TOX: variants seen among roughly 807,000 people sequenced by gnomAD.
TOX encodes thymocyte selection associated high mobility group box, also known as thymocyte selection-associated high mobility group box protein TOX.
TOX carries 11 observed loss-of-function variants against 53.7 expected under a neutral mutation model. The observed-to-expected ratio is 0.20, with a 90% CI of 0.13 to 0.34. TOX has a LOEUF of 0.34. Ranked by LOEUF, TOX falls within the 10% of genes least tolerant of loss-of-function variation. The pLI is 1.00. For synonymous variants in TOX, 225 were observed against 245.3 expected, an observed-to-expected ratio of 0.92 and a Z score of 0.77; for missense variants, 570 against 664.6, an observed-to-expected ratio of 0.86 and a Z score of 1.56.
chr8:58,808,070 A>T (rs781645071), intron 8 of TOX, 48 bp downstream of exon 8: 1 of 1,572,538 alleles, frequency 6.4e-7, no homozygotes, highest in Non-Finnish European at 8.6e-7. Context: ...GACGATATGC[A>T]TGCTATGAGC....
chr8:58,846,161 T>A (rs1343422308), intron 4 of TOX, among the ~76,000 whole-genome samples: 1 of 152,152 alleles, frequency 6.6e-6, no homozygotes, highest in Non-Finnish European at 1.5e-5. Flanking sequence ...ACTAAATGGC[T>A]GACTAAATTT....
chr8:58,994,148 A>G (rs1813510169), intron 1 of TOX, among the ~76,000 whole-genome samples: 1 of 152,128 alleles, frequency 6.6e-6, no homozygotes, highest in South Asian at 2.1e-4. Flanking sequence ...ACTCATATGA[A>G]ATGATTGTTT....
At chr8:58,957,000 T>C (rs993714580) in intron 2 of TOX, among the ~76,000 whole-genome samples, 1 of 152,224 alleles carries the variant, frequency 6.6e-6, no homozygotes, top group African/African-American at 2.4e-5. Context: ...TTTGTATCCT[T>C]CTGGTCTAGA....
intron 1 of TOX, among the ~76,000 whole-genome samples, chr8:59,031,110 A>G (rs917556381): frequency 2.6e-5 from 4 of 152,212 alleles, no homozygotes; most frequent in Admixed American, 2.0e-4. Flanking sequence ...GTTGGGTATG[A>G]CAGGTGAGCA....
intron 4 of TOX, among the ~76,000 whole-genome samples, chr8:58,843,410 T>A (rs1332126611): frequency 6.6e-6 from 1 of 152,232 alleles, no homozygotes; most frequent in Non-Finnish European, 1.5e-5. Context: ...AACTATAATC[T>A]AAGACAATGC....
intron 1 of TOX, among the ~76,000 whole-genome samples, chr8:58,982,444 T>C (rs962223630): frequency 6.6e-6 from 1 of 152,230 alleles, no homozygotes; most frequent in African/African-American, 2.4e-5. Flanking sequence ...CAAAGACGCC[T>C]ATCAGAATCT....
chr8:58,880,851 C>G (rs889211707), intron 3 of TOX, among the ~76,000 whole-genome samples: 1 of 152,138 alleles, frequency 6.6e-6, no homozygotes, highest in African/African-American at 2.4e-5. Context: ...AGGGTTTTAA[C>G]TTTTTATCAA....
chr8:59,100,794 G>A (rs1032020170), intron 1 of TOX, among the ~76,000 whole-genome samples: 2 of 151,976 alleles, frequency 1.3e-5, no homozygotes, highest in African/African-American at 2.4e-5. Context: ...ATTGAGTAAT[G>A]TTAAACAAGT....
At chr8:59,085,236 G>A (rs1011352306) in intron 1 of TOX, among the ~76,000 whole-genome samples, 4 of 152,138 alleles carry the variant, frequency 2.6e-5, no homozygotes, top group African/African-American at 9.7e-5. Flanking sequence ...ACATTCCAAT[G>A]CCACAATTTT....
At chr8:58,920,873 G>GC (rs1347801857) in intron 3 of TOX, among the ~76,000 whole-genome samples, 1 of 151,508 alleles carries the variant, frequency 6.6e-6, no homozygotes, top group African/African-American at 2.4e-5. Flanking sequence ...ATACTTGTTA[G>GC]AACTAAGAAA....
At chr8:59,109,673 T>G (rs1222199037) in intron 1 of TOX, among the ~76,000 whole-genome samples, 1 of 152,152 alleles carries the variant, frequency 6.6e-6, no homozygotes, top group Non-Finnish European at 1.5e-5. Context: ...AATTATCTCT[T>G]ATTGAAATAT....
intron 1 of TOX, among the ~76,000 whole-genome samples, chr8:59,091,972 G>A (rs576338082): frequency 1.1e-4 from 17 of 151,946 alleles, no homozygotes; most frequent in Admixed American, 9.2e-4. Flanking sequence ...TCTTGTGGCC[G>A]GGCGTGGTGG....
chr8:59,068,547 A>G (rs1804137794), intron 1 of TOX, among the ~76,000 whole-genome samples: 1 of 152,256 alleles, frequency 6.6e-6, no homozygotes, highest in Non-Finnish European at 1.5e-5. Flanking sequence ...AAGTAAAAAG[A>G]AAACTAAACT....
chr8:59,115,165 A>G (rs569900983), intron 1 of TOX, among the ~76,000 whole-genome samples: 4 of 152,258 alleles, frequency 2.6e-5, no homozygotes, highest in African/African-American at 9.6e-5. Context: ...CCATAAAGGC[A>G]ACCACTGAGA....
chr8:59,028,282 A>C (rs1814281862), intron 1 of TOX, among the ~76,000 whole-genome samples: 1 of 152,074 alleles, frequency 6.6e-6, no homozygotes, highest in African/African-American at 2.4e-5. Context: ...TATGCTAGGC[A>C]CATATTTCCA....
chr8:58,996,634 C>T (rs549231370), intron 1 of TOX, among the ~76,000 whole-genome samples: 2 of 152,212 alleles, frequency 1.3e-5, no homozygotes, highest in East Asian at 1.9e-4. Context: ...AGTTTTGGTA[C>T]TTTTTGTACT....
intron 3 of TOX, among the ~76,000 whole-genome samples, chr8:58,913,765 A>T (rs916271854): frequency 5.4e-5 from 8 of 148,526 alleles, no homozygotes; most frequent in Admixed American, 2.7e-4. Context: ...ATGTTTTATA[A>T]AGCTCTATGT....
intron 1 of TOX, among the ~76,000 whole-genome samples, chr8:59,098,995 C>T (rs1351935644): frequency 6.6e-6 from 1 of 152,160 alleles, no homozygotes; most frequent in African/African-American, 2.4e-5. Flanking sequence ...TGTCTACTCT[C>T]GATTAAATTT....
rs533806943 is a variant in TOX, at chr8:58,810,157, A to AATTTATTTATTT, written c.1393-1900_1393-1889dup. Among the ~76,000 whole-genome samples, 7 of 151,518 alleles carry AATTTATTTATTT rather than the reference A, an allele frequency of 4.6e-5. No homozygotes were observed. In the South Asian group the frequency reaches 1.5e-3, roughly 32 times the overall value. ...TGTGCCACTATGCCTGGCTAATTTA[A>AATTTATTTATTT]ATTTATTTATTTATTTATTTATTTA... On this transcript the variant is annotated intron_variant, in intron 7 of 8. Transcript: ENST00000361421.
Sources: gnomAD v4.1 joint callset for allele counts (sites outside exome capture counted in the v4.1 genomes callset) on GRCh38, gnomAD v4.1.1 for gene constraint, MANE v1.5 for transcripts, NCBI Gene and HGNC (gene_info 2026-07-23, HGNC 2026-07-21) for gene names.